GALNT7: variants seen among roughly 807,000 people sequenced by gnomAD.
GALNT7 encodes the protein N-acetylgalactosaminyltransferase 7.
A neutral mutation model predicts 82.1 loss-of-function variants in GALNT7; 60 were observed. The observed-to-expected ratio is 0.73, with a 90% confidence interval of 0.59 to 0.91. The LOEUF (loss-of-function observed/expected upper bound fraction) is 0.91. Among genes scored for constraint, GALNT7 ranks in the 40% least tolerant of loss-of-function variants. GALNT7 has a pLI of 0.00. For synonymous variants in GALNT7, 243 were observed against 275.1 expected, an observed-to-expected ratio of 0.88 and a Z score of 1.15; for missense variants, 660 against 804.2, an observed-to-expected ratio of 0.82 and a Z score of 2.17.
intron 1 of GALNT7, among the ~76,000 whole-genome samples, chr4:173,200,937 G>C (rs1184473716): frequency 6.6e-6 from 1 of 152,088 alleles, no homozygotes; most frequent in Non-Finnish European, 1.5e-5. Flanking sequence ...TAAGAGAAAA[G>C]AAAGAACATT....
chr4:173,207,550 A>G (rs2126664595), intron 1 of GALNT7, among the ~76,000 whole-genome samples: 1 of 152,258 alleles, frequency 6.6e-6, no homozygotes, highest in Middle Eastern at 3.4e-3. Flanking sequence ...ATCCTCTATT[A>G]AGGTTGTTTC....
intron 1 of GALNT7, among the ~76,000 whole-genome samples, chr4:173,237,673 T>A (rs1450921117): frequency 6.6e-6 from 1 of 152,108 alleles, no homozygotes; most frequent in Non-Finnish European, 1.5e-5. Context: ...ACTGTTTGCT[T>A]GGCTTTGGCT....
chr4:173,169,975 G>T lies in GALNT7; in HGVS notation c.126+1014G>T, dbSNP rs563364652. Among the ~76,000 whole-genome samples the T allele has an allele frequency of 3.5e-4, 54 of 152,246 alleles. No individual in the cohort carries two copies. The East Asian group carries it at 6.4e-3, about 18-fold the overall frequency. ...TCTGCCGCCCAGGGCGCGAGTGTTA[G>T]CGCTGACATTCCTTGGATTTGGAGG... On this transcript the variant is annotated intron_variant, in intron 1 of 11. Coordinates refer to ENST00000265000, the MANE Select transcript of GALNT7 (RefSeq NM_017423.3).
At chr4:173,286,722 G>T (rs1215794527) in intron 2 of GALNT7, among the ~76,000 whole-genome samples, 2 of 152,136 alleles carry the variant, frequency 1.3e-5, no homozygotes, top group Non-Finnish European at 2.9e-5. Context: ...CTTGAGTTTC[G>T]TTATGAGGTG....
intron 1 of GALNT7, among the ~76,000 whole-genome samples, chr4:173,180,473 G>A (rs1407869594): frequency 6.6e-6 from 1 of 151,866 alleles, no homozygotes; most frequent in Non-Finnish European, 1.5e-5. Context: ...GATTACAGGC[G>A]CCCACAACCA....
intron 1 of GALNT7, among the ~76,000 whole-genome samples, chr4:173,220,340 G>C (rs895224296): frequency 1.3e-5 from 2 of 152,068 alleles, no homozygotes; most frequent in Non-Finnish European, 2.9e-5. Context: ...ATTCTGTTCT[G>C]TTGTTCTATA....
chr4:173,204,834 T>C (rs572531589), intron 1 of GALNT7, among the ~76,000 whole-genome samples: 3 of 152,208 alleles, frequency 2.0e-5, no homozygotes, highest in Admixed American at 6.5e-5. Context: ...AGGAGATCTT[T>C]TGTGTTCTTT....
At chr4:173,245,717 G>T (rs899471435) in intron 1 of GALNT7, among the ~76,000 whole-genome samples, 1 of 152,158 alleles carries the variant, frequency 6.6e-6, no homozygotes, top group Non-Finnish European at 1.5e-5. Flanking sequence ...TTTGGAAGGA[G>T]CCAGGAGATA....
chr4:173,205,484 T>C (rs1353183831), intron 1 of GALNT7, among the ~76,000 whole-genome samples: 1 of 151,802 alleles, frequency 6.6e-6, no homozygotes, highest in Non-Finnish European at 1.5e-5. Flanking sequence ...ATTCTGTTCT[T>C]CTCTCTTGCT....
intron 2 of GALNT7, among the ~76,000 whole-genome samples, chr4:173,256,892 T>C (rs1434372054): frequency 1.3e-5 from 2 of 152,200 alleles, no homozygotes; most frequent in African/African-American, 4.8e-5. Flanking sequence ...TACCTCTCCA[T>C]TTATTGTAGA....
At chr4:173,198,779 G>GGA (rs1561150824) in intron 1 of GALNT7, among the ~76,000 whole-genome samples, 1 of 152,050 alleles carries the variant, frequency 6.6e-6, no homozygotes, top group African/African-American at 2.4e-5. Flanking sequence ...ACTGGGGGAG[G>GGA]GAGAGAGAGA....
chr4:173,220,087 A>T (rs1733595476), intron 1 of GALNT7, among the ~76,000 whole-genome samples: 1 of 152,138 alleles, frequency 6.6e-6, no homozygotes, highest in Non-Finnish European at 1.5e-5. Context: ...ATTGTCTAGA[A>T]AGTTTTCCCA....
At chr4:173,219,187 C>T (rs928946861) in intron 1 of GALNT7, among the ~76,000 whole-genome samples, 1 of 152,090 alleles carries the variant, frequency 6.6e-6, no homozygotes, top group Admixed American at 6.6e-5. Context: ...TTTGTGTCCT[C>T]TTAGCTTAGC....
At chr4:173,243,329 A>G (rs2126730010) in intron 1 of GALNT7, among the ~76,000 whole-genome samples, 1 of 152,276 alleles carries the variant, frequency 6.6e-6, no homozygotes, top group South Asian at 2.1e-4. Context: ...AATCCATATT[A>G]CCATCCAGTG....
At chr4:173,179,587 C>G (rs1732181933) in intron 1 of GALNT7, among the ~76,000 whole-genome samples, 1 of 152,154 alleles carries the variant, frequency 6.6e-6, no homozygotes, top group South Asian at 2.1e-4. Flanking sequence ...GATTTAAAAC[C>G]AACCCATTGA....
intron 1 of GALNT7, among the ~76,000 whole-genome samples, chr4:173,211,195 C>G (rs1561155692): frequency 6.6e-6 from 1 of 152,256 alleles, no homozygotes; most frequent in East Asian, 1.9e-4. Context: ...ATAACCACAT[C>G]TAGAAGTTCT....
intron 1 of GALNT7, among the ~76,000 whole-genome samples, chr4:173,199,288 G>T (rs1365949909): frequency 2.0e-5 from 3 of 152,128 alleles, no homozygotes; most frequent in Admixed American, 2.0e-4. Context: ...GTTAGAGCCA[G>T]ACTGCCCAAG....
Position 173,298,004 on chromosome 4 carries a change from T to C in GALNT7, c.966-111T>C, listed in dbSNP as rs758928129. ...TAAAGACTATTACTTTATTTTCTTA[T>C]GTTGAATGTTTATCTAAGTTCTTTT... On this transcript the variant is annotated intron_variant, in intron 5 of 11. Coordinates refer to ENST00000265000, the MANE Select transcript of GALNT7 (RefSeq NM_017423.3). 18 of 1,524,750 alleles carry C rather than the reference T, an allele frequency of 1.2e-5. No homozygotes were observed. The East Asian group carries it at 3.3e-4, about 28-fold the overall frequency. 94.5% of individuals were successfully genotyped at this position (1,524,750 alleles called of 1,614,324 possible).
chr4:173,257,669 G>A (rs1361855852), intron 2 of GALNT7, among the ~76,000 whole-genome samples: 1 of 152,138 alleles, frequency 6.6e-6, no homozygotes, highest in Non-Finnish European at 1.5e-5. Context: ...TGTAGCTATT[G>A]TATAGGAGGT....
Sources: allele counts gnomAD v4.1 joint callset (sites outside exome capture counted in the v4.1 genomes callset), GRCh38; gene constraint gnomAD v4.1.1; transcripts MANE v1.5; gene names NCBI Gene and HGNC (gene_info 2026-07-23, HGNC 2026-07-21).